Variants in NXPH1 observed in about 807,000 individuals in gnomAD.
The protein encoded by NXPH1 is neurexophilin 1.
A neutral mutation model predicts 23.7 loss-of-function variants in NXPH1; 5 were observed. The ratio of observed to expected loss-of-function variants is 0.21; its 90% CI spans 0.11 to 0.44. The LOEUF is 0.44. Ranked by LOEUF, NXPH1 falls within the 20% of genes least tolerant of loss-of-function variation. The pLI is 0.99. For synonymous variants in NXPH1, 144 were observed against 122.2 expected, an observed-to-expected ratio of 1.18 and a Z score of -1.18; for missense variants, 324 against 321.6, an observed-to-expected ratio of 1.01 and a Z score of -0.06.
rs903117148 is a variant in NXPH1 at position 8,694,684 on chromosome 7, G to A, written c.55-56324G>A. The stretch of plus-strand genomic sequence containing the variant: ...ATTCATAGTATTATAATTAACAAAT[G>A]TCAAGTACCTTTACAATTTATCTCA... On this transcript the variant is annotated intron_variant, in intron 2 of 2. Transcript: ENST00000405863. Among the ~76,000 whole-genome samples the A allele has an allele frequency of 2.6e-5, 4 of 152,094 alleles. No individual in the cohort carries two copies. The East Asian group carries it at 7.7e-4, about 29-fold the overall frequency.
chr7:8,595,256 C>T (rs1020250604), intron 2 of NXPH1, among the ~76,000 whole-genome samples: 11 of 152,010 alleles, frequency 7.2e-5, no homozygotes, highest in Admixed American at 1.3e-4. Context: ...TATGTCACTT[C>T]GAGCAACCCC....
intron 2 of NXPH1, among the ~76,000 whole-genome samples, chr7:8,632,704 A>T (rs78962893): frequency 0.043 from 6,508 of 152,274 alleles, 317 homozygotes; most frequent in East Asian, 0.17. Context: ...TGTTGCCTTA[A>T]CTTACTCTCA....
chr7:8,748,886 T>C (rs1317309535), intron 2 of NXPH1, among the ~76,000 whole-genome samples: 1 of 152,222 alleles, frequency 6.6e-6, no homozygotes, highest in Non-Finnish European at 1.5e-5. Context: ...GCTGGTATTC[T>C]TTCTGTGGTG....
At chr7:8,637,034 A>G (rs1029542110) in intron 2 of NXPH1, among the ~76,000 whole-genome samples, 1 of 152,174 alleles carries the variant, frequency 6.6e-6, no homozygotes, top group African/African-American at 2.4e-5. Context: ...TGCATGGTAC[A>G]AAAATCCTTT....
At chr7:8,464,687 G>A (rs1816750571) in intron 2 of NXPH1, among the ~76,000 whole-genome samples, 3 of 152,082 alleles carry the variant, frequency 2.0e-5, no homozygotes, top group Admixed American at 2.0e-4. Context: ...GGACAATAAA[G>A]GTGGAATGAT....
At chr7:8,719,455 T>C (rs996486297) in intron 2 of NXPH1, among the ~76,000 whole-genome samples, 2 of 146,676 alleles carry the variant, frequency 1.4e-5, no homozygotes, top group African/African-American at 5.1e-5. Context: ...AGTGGGGACA[T>C]TGGGTGGTAT....
chr7:8,462,631 A>G (rs1462919334), intron 2 of NXPH1, among the ~76,000 whole-genome samples: 1 of 152,200 alleles, frequency 6.6e-6, no homozygotes, highest in Non-Finnish European at 1.5e-5. Context: ...ATTGATGAAC[A>G]TTTACATTAT....
At chr7:8,588,697 C>G (rs1819028991) in intron 2 of NXPH1, among the ~76,000 whole-genome samples, 1 of 152,076 alleles carries the variant, frequency 6.6e-6, no homozygotes, top group Non-Finnish European at 1.5e-5. Flanking sequence ...ACATGGCACA[C>G]ACCTGGTAAT....
At chr7:8,723,590 C>T (rs558019542) in intron 2 of NXPH1, among the ~76,000 whole-genome samples, 1 of 152,216 alleles carries the variant, frequency 6.6e-6, no homozygotes, top group East Asian at 1.9e-4. Context: ...AAGAAGAATG[C>T]CACCTTTTCT....
intron 2 of NXPH1, among the ~76,000 whole-genome samples, chr7:8,461,399 G>T (rs954742208): frequency 6.6e-5 from 10 of 152,164 alleles, no homozygotes; most frequent in South Asian, 2.1e-4. Context: ...AAACATAAAA[G>T]AATTAAGGAG....
rs200279707 is a variant in NXPH1, at chr7:8,638,253, A to G, written c.55-112755A>G. 5.3e-5 allele frequency among the ~76,000 whole-genome samples: 8 copies of G among 152,296 alleles called. No individual in the cohort carries two copies. In the East Asian group the frequency reaches 1.5e-3, roughly 29 times the overall value. On this transcript the variant is annotated intron_variant, in intron 2 of 2. Coordinates refer to ENST00000405863, the MANE Select transcript of NXPH1 (RefSeq NM_152745.3). The stretch of plus-strand genomic sequence containing the variant: ...AGCGAACAAACACCTCGGCAACCAC[A>G]TCCGACAGCTAGGAACCTGAATTGG...
chr7:8,637,658 TG>T, intron 2 of NXPH1, among the ~76,000 whole-genome samples: 1 of 152,308 alleles, frequency 6.6e-6, no homozygotes, highest in Admixed American at 6.5e-5. Context: ...ATTTTTGTTT[TG>T]ATTCAGAAAT....
intron 2 of NXPH1, among the ~76,000 whole-genome samples, chr7:8,667,610 A>G (rs1340589008): frequency 6.6e-6 from 1 of 151,984 alleles, no homozygotes; most frequent in Non-Finnish European, 1.5e-5. Flanking sequence ...TGCTGCTTTC[A>G]GGATCTTCTA....
Position 8,525,462 on chromosome 7 carries a change from T to G in NXPH1, c.54+89695T>G, listed in dbSNP as rs527920533. 5.9e-5 allele frequency among the ~76,000 whole-genome samples: 9 copies of G among 152,288 alleles called. No individual in the cohort carries two copies. In the South Asian group the frequency reaches 1.9e-3, roughly 32 times the overall value. On this transcript the variant is annotated intron_variant, in intron 2 of 2. Transcript: ENST00000405863. Reference sequence around the variant, plus strand: ...AGAAATTCAAGCTGGCTGCAGAAATTTGCCTAAGTAGCAAGGAGCCTAATG... The same window carrying G: ...AGAAATTCAAGCTGGCTGCAGAAATGTGCCTAAGTAGCAAGGAGCCTAATG...
At chr7:8,561,737 C>T (rs936368825) in intron 2 of NXPH1, among the ~76,000 whole-genome samples, 2 of 150,920 alleles carry the variant, frequency 1.3e-5, no homozygotes, top group Non-Finnish European at 3.0e-5. Context: ...GAGTTCTCAA[C>T]AGGAAGAAAA....
At chr7:8,615,477 C>T (rs914958230) in intron 2 of NXPH1, among the ~76,000 whole-genome samples, 14 of 152,018 alleles carry the variant, frequency 9.2e-5, no homozygotes, top group Admixed American at 3.3e-4. Context: ...ACTGCTATCT[C>T]TTGGTGATCC....
intron 2 of NXPH1, among the ~76,000 whole-genome samples, chr7:8,616,448 G>A (rs918777864): frequency 2.0e-5 from 3 of 151,772 alleles, no homozygotes; most frequent in East Asian, 3.9e-4. Context: ...GTTCTCCCTC[G>A]TCATCTCGAC....
chr7:8,441,265 C>A (rs190149860), intron 2 of NXPH1, among the ~76,000 whole-genome samples: 1 of 152,224 alleles, frequency 6.6e-6, no homozygotes, highest in East Asian at 1.9e-4. Flanking sequence ...CCTCTGCATT[C>A]TCTTAGCCAC....
intron 2 of NXPH1, among the ~76,000 whole-genome samples, chr7:8,611,876 C>G (rs1280689457): frequency 6.6e-6 from 1 of 151,968 alleles, no homozygotes; most frequent in African/African-American, 2.4e-5. Flanking sequence ...GAGAATTGTC[C>G]TACAATATTC....
Sources: gnomAD v4.1 joint callset for allele counts (sites outside exome capture counted in the v4.1 genomes callset) on GRCh38, gnomAD v4.1.1 for gene constraint, MANE v1.5 for transcripts, NCBI Gene and HGNC (gene_info 2026-07-23, HGNC 2026-07-21) for gene names.